The following GRID1 variants were observed in gnomAD, a reference collection of about 807,000 sequenced individuals.
GRID1 encodes the protein glutamate ionotropic receptor delta type subunit 1.
GRID1 carries 28 observed loss-of-function variants against 98.0 expected under a neutral mutation model. The observed-to-expected ratio is 0.29, with a 90% CI of 0.21 to 0.39. The LOEUF (loss-of-function observed/expected upper bound fraction) is 0.39. Among genes scored for constraint, GRID1 ranks in the 10% least tolerant of loss-of-function variants. The probability of loss-of-function intolerance (pLI) is 1.00; values close to 1 mark genes in which losing one functional copy is unlikely to be tolerated. For missense variants in GRID1, 1,111 were observed against 1,340.5 expected, an observed-to-expected ratio of 0.83 and a Z score of 2.67; for synonymous variants, 553 against 538.5, an observed-to-expected ratio of 1.03 and a Z score of -0.37.
At chr10:85,775,796 T>C (rs1316854209) in intron 8 of GRID1, among the ~76,000 whole-genome samples, 1 of 152,116 alleles carries the variant, frequency 6.6e-6, no homozygotes, top group African/African-American at 2.4e-5. Flanking sequence ...GAACTGTATA[T>C]GAGAAAATAA....
intron 4 of GRID1, among the ~76,000 whole-genome samples, chr10:86,005,671 A>G (rs989093998): frequency 2.0e-5 from 3 of 152,212 alleles, no homozygotes; most frequent in African/African-American, 7.2e-5. Flanking sequence ...AGACTCCTTG[A>G]TGTCAGACAA....
rs140144576 is a variant in GRID1 at position 85,634,998 on chromosome 10, G to GAA, written c.2193+12202_2193+12203dup. On this transcript the variant is annotated intron_variant, in intron 13 of 15. Transcript: ENST00000327946. ...GCAAATTACAGGGCAGAGGAAATCTGAAAAAAAAAAAAAAAAAAAAAAAAA... is the reference window on the plus strand; with the variant it reads ...GCAAATTACAGGGCAGAGGAAATCTGAAAAAAAAAAAAAAAAAAAAAAAAAAA... Among the ~76,000 whole-genome samples, 13 of 35,012 alleles carry GAA rather than the reference G, an allele frequency of 3.7e-4. 1 individual carries two copies. Among genetic ancestry groups the GAA allele is most frequent in the African/African-American group, 9.1e-4 (10 of 10,946 alleles). The allele number at this position is 35,012 out of a possible 152,430, so 23.0% of individuals were successfully genotyped here.
chr10:86,117,898 T>C (rs1485239995), intron 4 of GRID1, among the ~76,000 whole-genome samples: 1 of 152,198 alleles, frequency 6.6e-6, no homozygotes, highest in Non-Finnish European at 1.5e-5. Flanking sequence ...AGTGTGGAGA[T>C]ACCTTAAAGA....
intron 8 of GRID1, among the ~76,000 whole-genome samples, chr10:85,754,697 C>A (rs1435427961): frequency 2.6e-5 from 4 of 152,150 alleles, no homozygotes; most frequent in African/African-American, 7.2e-5. Flanking sequence ...GACTTACATC[C>A]AGTGGGCCAA....
At chr10:86,049,957 T>G (rs1015277330) in intron 4 of GRID1, among the ~76,000 whole-genome samples, 1 of 152,194 alleles carries the variant, frequency 6.6e-6, no homozygotes, top group Non-Finnish European at 1.5e-5. Context: ...GTGTACATGT[T>G]AAACACCCAC....
At chr10:85,798,977 A>T (rs1842551409) in intron 8 of GRID1, among the ~76,000 whole-genome samples, 1 of 152,020 alleles carries the variant, frequency 6.6e-6, no homozygotes, top group Non-Finnish European at 1.5e-5. Context: ...GTAGTTTCAT[A>T]GTTTGGGGGT....
rs550000241 is a variant in GRID1, at chr10:86,258,106, T to C, written c.236-51458A>G. Among the ~76,000 whole-genome samples, 3 of 152,190 alleles carry C rather than the reference T, an allele frequency of 2.0e-5. No homozygotes were observed. In the South Asian group the frequency reaches 6.2e-4, roughly 32 times the overall value. On this transcript the variant is annotated intron_variant, in intron 2 of 15. Transcript: ENST00000327946. Reference sequence around the variant, plus strand: ...AACAGGAAGAAACAACAGAGAAAACTCAAAGTGCAGTAAATAGGTAAAGGA... The same window carrying C: ...AACAGGAAGAAACAACAGAGAAAACCCAAAGTGCAGTAAATAGGTAAAGGA...
At chr10:86,166,029 A>G (rs1311616588) in intron 3 of GRID1, among the ~76,000 whole-genome samples, 1 of 152,222 alleles carries the variant, frequency 6.6e-6, no homozygotes, top group Non-Finnish European at 1.5e-5. Context: ...GGCTTGGCTA[A>G]CTATGGAGTA....
chr10:86,174,462 C>T (rs1047430624), intron 3 of GRID1, among the ~76,000 whole-genome samples: 7 of 151,456 alleles, frequency 4.6e-5, no homozygotes, highest in South Asian at 2.1e-4. Context: ...AAACTGGATC[C>T]CTTCCTTACA....
chr10:85,769,874 G>A (rs1305447412), intron 8 of GRID1, among the ~76,000 whole-genome samples: 1 of 152,224 alleles, frequency 6.6e-6, no homozygotes, highest in Non-Finnish European at 1.5e-5. Context: ...GCCTGCCTCT[G>A]TAGGCTCCAC....
intron 8 of GRID1, among the ~76,000 whole-genome samples, chr10:85,746,795 T>C (rs1423282043): frequency 6.6e-6 from 1 of 152,096 alleles, no homozygotes; most frequent in Non-Finnish European, 1.5e-5. Context: ...CTATGATATA[T>C]AATAAAATAA....
chr10:86,205,839 C>A (rs1289864809), intron 3 of GRID1, among the ~76,000 whole-genome samples: 1 of 152,064 alleles, frequency 6.6e-6, no homozygotes, highest in Non-Finnish European at 1.5e-5. Context: ...AAGCCATGCC[C>A]AGCCCTACCC....
At chr10:85,647,142 G>C in intron 13 of GRID1, 60 bp downstream of exon 13, 2 of 1,396,094 alleles carry the variant, frequency 1.4e-6, no homozygotes, top group African/African-American at 1.4e-5. Flanking sequence ...TCCCACCTGG[G>C]GGCTGACCAC....
intron 8 of GRID1, among the ~76,000 whole-genome samples, chr10:85,775,657 G>C (rs1245367759): frequency 1.3e-5 from 2 of 151,980 alleles, no homozygotes; most frequent in East Asian, 3.9e-4. Flanking sequence ...AACCATGTAA[G>C]AAACCTGCAC....
intron 12 of GRID1, among the ~76,000 whole-genome samples, chr10:85,690,588 T>A (rs143434739): frequency 1.2e-3 from 178 of 152,240 alleles, no homozygotes; most frequent in African/African-American, 4.0e-3. Flanking sequence ...AAAAAGTCTA[T>A]CAAAAACAAA....
chr10:85,753,018 C>T (rs1299852627), intron 8 of GRID1, among the ~76,000 whole-genome samples: 3 of 152,172 alleles, frequency 2.0e-5, no homozygotes. Flanking sequence ...TCTCATGTCC[C>T]ACACTTCAGT....
rs973921885 is a variant in GRID1 at position 86,195,300 on chromosome 10, G to A, written c.520+11064C>T. The stretch of plus-strand genomic sequence containing the variant: ...TCCATTCTGTCCTTCATGGTCTCCT[G>A]TAGAGATCAGGTCCCTCAGGGAGGA... On this transcript the variant is annotated intron_variant, in intron 3 of 15. Coordinates refer to ENST00000327946, the MANE Select transcript of GRID1 (RefSeq NM_017551.3). This position sits in a 1 kb window ranked among gnomAD's most constrained non-coding sequence, Gnocchi z 4.4. Among the ~76,000 whole-genome samples the A allele has an allele frequency of 7.9e-5, 12 of 152,086 alleles. No individual in the cohort carries two copies. The highest frequency in any genetic ancestry group is 2.7e-4 in the African/African-American group (11 of 41,428).
intron 8 of GRID1, among the ~76,000 whole-genome samples, chr10:85,836,710 T>C (rs977105161): frequency 3.3e-5 from 5 of 152,154 alleles, no homozygotes; most frequent in African/African-American, 1.2e-4. Flanking sequence ...AATAAGAGAC[T>C]TTAGCTTTAG....
intron 2 of GRID1, among the ~76,000 whole-genome samples, chr10:86,212,364 CT>C (rs1846119021): frequency 6.6e-6 from 1 of 152,250 alleles, no homozygotes; most frequent in Admixed American, 6.5e-5. Flanking sequence ...TAGCTGGCCC[CT>C]GGGTGCCACC....
Sources: gnomAD v4.1 joint callset for allele counts (sites outside exome capture counted in the v4.1 genomes callset) on GRCh38, gnomAD v4.1.1 for gene constraint, Gnocchi (gnomAD v3.1) non-coding constraint, MANE v1.5 for transcripts, NCBI Gene and HGNC (gene_info 2026-07-23, HGNC 2026-07-21) for gene names.